LRMDA: variants seen among roughly 807,000 people sequenced by gnomAD.
The protein encoded by LRMDA is leucine-rich melanocyte differentiation-associated protein.
LRMDA carries 18 observed loss-of-function variants against 29.8 expected under a neutral mutation model. The ratio of observed to expected loss-of-function variants is 0.60; its 90% confidence interval spans 0.42 to 0.90. The LOEUF is 0.90. LRMDA is among the 40% of genes least tolerant of loss of function. The pLI is 0.00. For missense variants in LRMDA, 273 were observed against 273.9 expected (o/e 1.00, Z 0.02); for synonymous variants, 125 against 109.4 (o/e 1.14, Z -0.89).
rs41306520 is a variant in LRMDA at position 76,037,475 on chromosome 10, T to C, written c.258+1341T>C. Among the ~76,000 whole-genome samples the C allele has an allele frequency of 9.0e-3, 1,367 of 152,392 alleles. 11 individuals carry two copies. Among genetic ancestry groups the C allele is most frequent in the South Asian group, 0.037 (179 of 4,832 alleles). On this transcript the variant is annotated intron_variant, in intron 3 of 6. Transcript: ENST00000611255. ...AGTATTTGTTAGCTACTGTTTATAC[T>C]TCAAGCCATAAGTTAATGTTTTCTT...
intron 4 of LRMDA, among the ~76,000 whole-genome samples, chr10:76,053,684 G>T (rs535144093): frequency 1.2e-4 from 18 of 152,282 alleles, no homozygotes; most frequent in African/African-American, 4.3e-4. Context: ...CCACCAAGGG[G>T]CAAGAAGATC....
intron 2 of LRMDA, among the ~76,000 whole-genome samples, chr10:75,525,327 G>A (rs146814552): frequency 9.2e-5 from 14 of 152,332 alleles, no homozygotes; most frequent in African/African-American, 2.6e-4. Context: ...TACCTTTTGT[G>A]TGGAAGTTTG....
At chr10:76,353,547 T>A (rs557758755) in intron 6 of LRMDA, among the ~76,000 whole-genome samples, 1 of 152,226 alleles carries the variant, frequency 6.6e-6, no homozygotes, top group South Asian at 2.1e-4. Flanking sequence ...GCAGACTGGC[T>A]TGCATCTTAG....
intron 5 of LRMDA, among the ~76,000 whole-genome samples, chr10:76,297,026 T>C (rs1322389536): frequency 1.3e-5 from 2 of 152,204 alleles, no homozygotes; most frequent in Admixed American, 6.5e-5. Flanking sequence ...AGCTCTGAGC[T>C]CTCAGTCCAG....
chr10:76,278,045 AAGG>A (rs1361664843), intron 5 of LRMDA, among the ~76,000 whole-genome samples: 1 of 152,162 alleles, frequency 6.6e-6, no homozygotes, highest in Admixed American at 6.5e-5. Flanking sequence ...CAGTCAGAAG[AAGG>A]AGAAGAGAAG....
At chr10:76,376,870 T>G (rs1184716860) in intron 6 of LRMDA, among the ~76,000 whole-genome samples, 4 of 67,040 alleles carry the variant, frequency 6.0e-5, no homozygotes, top group African/African-American at 4.0e-4. Context: ...GAAGTCTTTT[T>G]TTTTTTTTTT....
At chr10:75,551,445 A>T (rs1176955838) in intron 2 of LRMDA, among the ~76,000 whole-genome samples, 2 of 152,018 alleles carry the variant, frequency 1.3e-5, no homozygotes, top group Non-Finnish European at 2.9e-5. Context: ...TTAACCCATC[A>T]TCTACATTAT....
rs756023731 is a variant in LRMDA at position 76,077,992 on chromosome 10, A to ATTTTT, written c.516+19241_516+19245dup. On this transcript the variant is annotated intron_variant, in intron 5 of 6. Transcript: ENST00000611255. ...TCCTACCCCTAACTGCAATATTAACATTTTTTTTTTTTTTTTTTTTTTTTT... is the reference window on the plus strand; with the variant it reads ...TCCTACCCCTAACTGCAATATTAACATTTTTTTTTTTTTTTTTTTTTTTTTTTTTT... 2.9e-4 allele frequency among the ~76,000 whole-genome samples: 14 copies of ATTTTT among 48,082 alleles called. 5 individuals are homozygous for ATTTTT. The highest frequency in any genetic ancestry group is 9.8e-4 in the Admixed American group (3 of 3,064). 31.5% of individuals were successfully genotyped at this position (48,082 alleles called of 152,430 possible).
intron 2 of LRMDA, among the ~76,000 whole-genome samples, chr10:75,991,354 G>C (rs1351005719): frequency 6.6e-6 from 1 of 152,120 alleles, no homozygotes; most frequent in African/African-American, 2.4e-5. Context: ...GGGCTCTTCT[G>C]CCCGTGGAAT....
At chr10:75,949,004 G>T (rs377615900) in intron 2 of LRMDA, among the ~76,000 whole-genome samples, 6 of 151,920 alleles carry the variant, frequency 3.9e-5, no homozygotes, top group South Asian at 2.1e-4. Context: ...CTAAGCTTTT[G>T]TGTGTGTGTG....
chr10:76,204,631 A>G (rs760170672), intron 5 of LRMDA, among the ~76,000 whole-genome samples: 15 of 152,156 alleles, frequency 9.9e-5, no homozygotes, highest in Non-Finnish European at 1.5e-4. Flanking sequence ...CCCCAATTGT[A>G]GGTCCAGGGC....
At chr10:76,523,332 T>C (rs1843141182) in intron 6 of LRMDA, among the ~76,000 whole-genome samples, 1 of 152,122 alleles carries the variant, frequency 6.6e-6, no homozygotes, top group Non-Finnish European at 1.5e-5. Context: ...ATTTATGCCT[T>C]TAGTATGCAT....
chr10:76,259,571 T>A (rs767139673), intron 5 of LRMDA, among the ~76,000 whole-genome samples: 12 of 152,152 alleles, frequency 7.9e-5, no homozygotes, highest in Non-Finnish European at 1.5e-4. Flanking sequence ...TACATGTCTG[T>A]TAAGTCCATT....
At chr10:76,147,321 C>T (rs1332436994) in intron 5 of LRMDA, among the ~76,000 whole-genome samples, 3 of 152,134 alleles carry the variant, frequency 2.0e-5, no homozygotes, top group Non-Finnish European at 4.4e-5. Context: ...TTCAGGTACA[C>T]CAATCAGACG....
intron 6 of LRMDA, among the ~76,000 whole-genome samples, chr10:76,329,032 A>C (rs535916470): frequency 6.6e-6 from 1 of 152,136 alleles, no homozygotes; most frequent in Non-Finnish European, 1.5e-5. Context: ...GACTTTCTCT[A>C]TCTGAAGCAC....
intron 2 of LRMDA, among the ~76,000 whole-genome samples, chr10:75,569,424 A>G (rs1364947805): frequency 6.6e-6 from 1 of 152,186 alleles, no homozygotes; most frequent in Non-Finnish European, 1.5e-5. Flanking sequence ...TTACCATTTA[A>G]TTGTGTTTAG....
intron 2 of LRMDA, among the ~76,000 whole-genome samples, chr10:76,012,290 G>T (rs972260877): frequency 6.6e-6 from 1 of 152,154 alleles, no homozygotes; most frequent in Non-Finnish European, 1.5e-5. Context: ...TGCAGGCCAC[G>T]GTGCATCTCA....
At chr10:75,676,863 C>T (rs1286115952) in intron 2 of LRMDA, among the ~76,000 whole-genome samples, 1 of 152,246 alleles carries the variant, frequency 6.6e-6, no homozygotes, top group Admixed American at 6.5e-5. Flanking sequence ...TCATTTGCCA[C>T]CTTTGGCCCC....
At chr10:75,576,822 C>A (rs910303462) in intron 2 of LRMDA, among the ~76,000 whole-genome samples, 3 of 152,172 alleles carry the variant, frequency 2.0e-5, no homozygotes, top group African/African-American at 2.4e-5. Context: ...TACTAACAAT[C>A]AGAAAGGAAT....
Sources: gnomAD v4.1 joint callset for allele counts (sites outside exome capture counted in the v4.1 genomes callset) on GRCh38, gnomAD v4.1.1 for gene constraint, MANE v1.5 for transcripts, NCBI Gene and HGNC (gene_info 2026-07-23, HGNC 2026-07-21) for gene names.